Variants in AHNAK2 observed in about 807,000 individuals in gnomAD.
AHNAK2 encodes the protein AHNAK nucleoprotein 2.
In AHNAK2, 18 loss-of-function variants were observed where a neutral mutation model predicts 30.7. That is an observed-to-expected ratio of 0.59 (90% confidence interval 0.41 to 0.87). The LOEUF (loss-of-function observed/expected upper bound fraction) is 0.87. AHNAK2 is among the 40% of genes least tolerant of loss of function. AHNAK2 has a pLI of 0.00. For missense variants in AHNAK2, 8,604 were observed against 7,373.0 expected (o/e 1.17, Z -6.11); for synonymous variants, 3,590 against 3,073.8 (o/e 1.17, Z -5.56).
chr14:104,940,823 T>C lies in AHNAK2; in HGVS notation c.14628A>G (p.Gln4876=), dbSNP rs764878652. Residue 4876 remains glutamine, a synonymous_variant, in exon 7 of 7, where the codon CAA becomes CAG. Transcript: ENST00000333244. This position sits in a 1 kb window ranked among gnomAD's most constrained non-coding sequence, Gnocchi z 4.4. ...YKPKFVFSVP[Q]MAVPEGDLHA... is the part of the protein sequence containing the mutation. ...GTAGGTCTCCCTCAGGAACTGCCAT[T>C]TGGGGGACTGAAAACACAAACTTTG... 3 of 1,613,032 alleles carry C rather than the reference T, an allele frequency of 1.9e-6. No individual in the cohort carries two copies. The highest frequency in any genetic ancestry group is 3.3e-5 in the Admixed American group (2 of 60,020).
In AHNAK2 at chr14:104,948,672, C is replaced by A. The variant is rs774054550; in HGVS notation, c.6779G>T (p.Gly2260Val). The change falls in exon 7 of 7, where the codon GGC becomes GTC. Residue 2260 changes from glycine (G) to valine (V), a missense_variant. Physicochemically the swap from Gly to Val is moderately radical, Grantham distance 109. Transcript: ENST00000333244. The stretch of plus-strand genomic sequence containing the variant: ...GGGGTCTTTTAGGTCCAGCTTGGGG[C>A]CCTTGATGTCTATTTCGGGGCCCTT... Reference protein sequence around the residue: ...DLKGPEIDIKGPKLDLKDPKV... With the variant: ...DLKGPEIDIKVPKLDLKDPKV... The A allele has an allele frequency of 2.5e-6, 4 of 1,611,496 alleles. No individual in the cohort carries two copies. In the African/African-American group the frequency reaches 4.1e-5, roughly 16 times the overall value.
intron 1 of AHNAK2, among the ~76,000 whole-genome samples, chr14:104,973,229 C>CA (rs1899519339): frequency 6.6e-6 from 1 of 152,220 alleles, no homozygotes; most frequent in Non-Finnish European, 1.5e-5. Context: ...GCGCACTGAA[C>CA]AGCTAGTCCT....
Position 104,944,635 on chromosome 14 carries a change from C to T in AHNAK2, c.10816G>A (p.Val3606Met), listed in dbSNP as rs1275408485. Reference sequence around the variant, plus strand: ...TTGGCCTTCGGGGCCTGGACATCCACCTCCACGCTGGGCAGAGACACCTCG... The same window carrying T: ...TTGGCCTTCGGGGCCTGGACATCCATCTCCACGCTGGGCAGAGACACCTCG... ...DVEVSLPSVEVDVQAPKAKLD... is the reference protein window; with the variant it reads ...DVEVSLPSVEMDVQAPKAKLD... Residue 3606 changes from valine to methionine, a missense_variant, in exon 7 of 7, where the codon GTG becomes ATG. By Grantham distance (21) the Val-to-Met change is conservative. Coordinates refer to ENST00000333244, the MANE Select transcript of AHNAK2 (RefSeq NM_138420.4). 6.2e-7 allele frequency: 1 copy of T among 1,613,234 alleles called. No homozygotes were observed. Among genetic ancestry groups the T allele is most frequent in the Admixed American group, 1.7e-5 (1 of 59,962 alleles).
Position 104,945,140 on chromosome 14 carries a change from G to A in AHNAK2, c.10311C>T (p.Pro3437=), listed in dbSNP as rs1238805086. 5.0e-6 allele frequency: 8 copies of A among 1,613,184 alleles called. 1 individual carries two copies. The highest frequency in any genetic ancestry group is 1.7e-5 in the Admixed American group (1 of 59,962). Residue 3437 remains proline (P), a synonymous_variant, in exon 7 of 7, where the codon CCC becomes CCT. Transcript: ENST00000333244. The stretch of plus-strand genomic sequence containing the variant: ...GGGCCTGGACGTCCACCTCCACGCT[G>A]GGCAGAGACACCTCCACATCAGGGA... ...VTVPDVEVSL[P]SVEVDVQAPR...
chr14:104,975,227 A>G (rs1017590779), intron 1 of AHNAK2, among the ~76,000 whole-genome samples: 12 of 152,118 alleles, frequency 7.9e-5, no homozygotes, highest in African/African-American at 2.7e-4. Flanking sequence ...GGGGCATTGG[A>G]ACTGGAGGCT....
Position 104,947,207 on chromosome 14 carries a change from G to C in AHNAK2, c.8244C>G (p.Gly2748=), listed in dbSNP as rs371509150. ...SFKMPEVDLK[G]PQIDVKGPNV... ...TGGGGCCCTTAACATCTATCTGGGG[G>C]CCCTTGAGGTCCACTTCAGGCATCT... The change falls in exon 7 of 7, where the codon GGC becomes GGG. Residue 2748 remains glycine, a synonymous_variant. Transcript: ENST00000333244. 55 of 1,612,156 alleles carry C rather than the reference G, an allele frequency of 3.4e-5. No homozygotes were observed. In the Middle Eastern group the frequency reaches 5.0e-4, roughly 15 times the overall value.
At chr14:104,973,580 C>T (rs1227772580) in intron 1 of AHNAK2, among the ~76,000 whole-genome samples, 2 of 152,196 alleles carry the variant, frequency 1.3e-5, no homozygotes, top group Admixed American at 6.5e-5. Context: ...CTCACACGGA[C>T]ATAGCCCAGT....
chr14:104,978,009 A>G (rs1899639192), intron 1 of AHNAK2, among the ~76,000 whole-genome samples, 174 bp downstream of exon 1: 1 of 152,098 alleles, frequency 6.6e-6, no homozygotes, highest in Non-Finnish European at 1.5e-5. Flanking sequence ...GAGGCATGGG[A>G]GAAGAGACTC....
In AHNAK2 at chr14:104,947,238, CTG is replaced by C. The variant is rs1169828562; in HGVS notation, c.8211_8212del (p.Ser2738PhefsTer5). The C allele has an allele frequency of 6.2e-7, 1 of 1,611,872 alleles. No homozygotes were observed. The highest frequency in any genetic ancestry group is 8.5e-7 in the Non-Finnish European group (1 of 1,179,472). ...GAGGTCCACTTCAGGCATCTTGAAA[CTG>C]GGCATCTGCAGCTTGGGCAGGTGCC... On this transcript the variant is annotated frameshift_variant, in exon 7 of 7. Transcript: ENST00000333244. LOFTEE classifies it low-confidence loss of function (END_TRUNC).
chr14:104,945,247 G>T lies in AHNAK2; in HGVS notation c.10204C>A (p.Pro3402Thr), dbSNP rs1433431301. The T allele has an allele frequency of 1.9e-6, 3 of 1,612,824 alleles. No homozygotes were observed. Among genetic ancestry groups the T allele is most frequent in the African/African-American group, 2.7e-5 (2 of 74,532 alleles). ...PKVEMPSFKM[P>T]KVDLKSPQVD... is the part of the protein sequence containing the mutation. ...TGGGGGCTCTTGAGGTCCACTTTGG[G>T]CATCTTGAAACTGGGCATCTCCACC... The change falls in exon 7 of 7, where the codon CCC becomes ACC. Residue 3402 changes from proline (P) to threonine (T), a missense_variant. Physicochemically the swap from Pro to Thr is conservative, Grantham distance 38. Coordinates refer to ENST00000333244, the MANE Select transcript of AHNAK2 (RefSeq NM_138420.4).
Position 104,943,578 on chromosome 14 carries a change from T to C in AHNAK2, c.11873A>G (p.Asp3958Gly). The C allele has an allele frequency of 6.2e-7, 1 of 1,612,944 alleles. No homozygotes were observed. Among genetic ancestry groups the C allele is most frequent in the Non-Finnish European group, 8.5e-7 (1 of 1,179,532 alleles). ...GCTGTCTTTGGCCGTCATGTCCTTG[T>C]CGGCCAGGGACAGGTCCCCCTCCAG... ...ARLEGDLSLA[D>G]KDMTAKDSKF... is the part of the protein sequence containing the mutation. Residue 3958 changes from aspartate to glycine, a missense_variant, in exon 7 of 7, where the codon GAC becomes GGC. Physicochemically the swap from Asp to Gly is moderately conservative, Grantham distance 94. Transcript: ENST00000333244.
rs776433329 is a variant in AHNAK2, at chr14:104,947,498, G to A, written c.7953C>T (p.Pro2651=). ...CCCTGAATGATGGCATCTTGAACTTGGGCATTTTGAACTTGCTATCTTTGG... is the reference window on the plus strand; with the variant it reads ...CCCTGAATGATGGCATCTTGAACTTAGGCATTTTGAACTTGCTATCTTTGG... The part of the protein sequence containing the change: ...VTAKDSKFKM[P]KFKMPSFRVS... The change falls in exon 7 of 7, where the codon CCC becomes CCT. Residue 2651 remains proline (P), a synonymous_variant. Coordinates refer to ENST00000333244, the MANE Select transcript of AHNAK2 (RefSeq NM_138420.4). 1 of 1,612,744 alleles carries A rather than the reference G, an allele frequency of 6.2e-7. No homozygotes were observed. The highest frequency in any genetic ancestry group is 1.7e-5 in the Admixed American group (1 of 59,876).
rs1366264586 is a variant in AHNAK2, at chr14:104,944,511, G to A, written c.10940C>T (p.Ser3647Leu). ...CTTCCCTGGGGCCGATACCCTGAAT[G>A]ACGGCATCTTGAATTTGGGCATTTT... ...KFKMPKFKMP[S>L]FRVSAPGKSM... The change falls in exon 7 of 7, where the codon TCA becomes TTA. Residue 3647 changes from serine to leucine, a missense_variant. Ser to Leu is a moderately radical substitution (Grantham distance 145). Coordinates refer to ENST00000333244, the MANE Select transcript of AHNAK2 (RefSeq NM_138420.4). 3.7e-6 allele frequency: 6 copies of A among 1,612,878 alleles called. No individual in the cohort carries two copies. In the Admixed American group the frequency reaches 5.0e-5, roughly 13 times the overall value.
Position 104,945,907 on chromosome 14 carries a change from T to C in AHNAK2, c.9544A>G (p.Met3182Val), listed in dbSNP as rs771872093. The change falls in exon 7 of 7, where the codon ATG becomes GTG. Residue 3182 changes from methionine to valine, a missense_variant. Met to Val is a conservative substitution (Grantham distance 21, BLOSUM62 1). Coordinates refer to ENST00000333244, the MANE Select transcript of AHNAK2 (RefSeq NM_138420.4). ...TCAGTGTTCTTCAGGTCCCCCTGCA[T>C]GGAGGGGAGGCTCAGGTCGGCCTCC... ...KVEADLSLPS[M>V]QGDLKNTDIS... 1 of 1,248,954 alleles carries C rather than the reference T, an allele frequency of 8.0e-7. No individual in the cohort carries two copies. Among genetic ancestry groups the C allele is most frequent in the East Asian group, 2.3e-5 (1 of 44,272 alleles). 77.4% of individuals were successfully genotyped at this position (1,248,954 alleles called of 1,614,324 possible).
In AHNAK2 at chr14:104,945,031, T is replaced by C. The variant is rs1000658488; in HGVS notation, c.10420A>G (p.Lys3474Glu). ...KDVTAKDSKFKMPKFKMPSFG... is the reference protein window; with the variant it reads ...KDVTAKDSKFEMPKFKMPSFG... ...GAGGGCATCTTGAACTTGGGCATTTTGAACTTGCTGTCTTTGGCAGTCACA... is the reference window on the plus strand; with the variant it reads ...GAGGGCATCTTGAACTTGGGCATTTCGAACTTGCTGTCTTTGGCAGTCACA... The change falls in exon 7 of 7, where the codon AAA becomes GAA. Residue 3474 changes from lysine (K) to glutamate (E), a missense_variant. Physicochemically the swap from Lys to Glu is moderately conservative, Grantham distance 56. Transcript: ENST00000333244. 6 of 1,612,822 alleles carry C rather than the reference T, an allele frequency of 3.7e-6. No individual in the cohort carries two copies. In the African/African-American group the frequency reaches 6.7e-5, roughly 18 times the overall value.
rs754080539 is a variant in AHNAK2, at chr14:104,956,684, G to A, written c.219C>T (p.Asp73=). The A allele has an allele frequency of 1.6e-5, 26 of 1,613,550 alleles. No individual in the cohort carries two copies. Among genetic ancestry groups the A allele is most frequent in the South Asian group, 3.3e-5 (3 of 91,072 alleles). The change falls in exon 4 of 7, where the codon GAC becomes GAT. Residue 73 remains aspartate (D), a synonymous_variant. Coordinates refer to ENST00000333244, the MANE Select transcript of AHNAK2 (RefSeq NM_138420.4). The part of the protein sequence containing the change: ...TEAADFGLQE[D]APGRQGSAGR... The stretch of plus-strand genomic sequence containing the variant: ...CAGCAGAACCTTGCCTGCCGGGGGC[G>A]TCTTCCTGCAGCCACAAGTGTTGGG...
rs1300892851 is a variant in AHNAK2, at chr14:104,950,342, G to A, written c.5109C>T (p.Thr1703=). 1 of 1,585,300 alleles carries A rather than the reference G, an allele frequency of 6.3e-7. No homozygotes were observed. The highest frequency in any genetic ancestry group is 8.6e-7 in the Non-Finnish European group (1 of 1,162,392). Residue 1703 remains threonine (T), a synonymous_variant, in exon 7 of 7, where the codon ACC becomes ACT. Transcript: ENST00000333244. ...AAGGGGACTGAATGCTGAGGTCAGTGGTCTTCAGGTCCCCCTGCATGGAGG... is the reference window on the plus strand; with the variant it reads ...AAGGGGACTGAATGCTGAGGTCAGTAGTCTTCAGGTCCCCCTGCATGGAGG... ...SLPSMQGDLK[T]TDLSIQSPSA...
intron 1 of AHNAK2, among the ~76,000 whole-genome samples, chr14:104,965,619 C>T (rs925271215): frequency 1.3e-5 from 2 of 152,164 alleles, no homozygotes; most frequent in African/African-American, 4.8e-5. Context: ...AGAACTAAGG[C>T]CCCCATCCCT....
chr14:104,950,023 A>G lies in AHNAK2; in HGVS notation c.5428T>C (p.Ser1810Pro). The change falls in exon 7 of 7, where the codon TCC becomes CCC. Residue 1810 changes from serine to proline, a missense_variant. Transcript: ENST00000333244. ...LDSVRLEGDL[S>P]LADKDVTAKD... Reference sequence around the variant, plus strand: ...GCAGTCACATCCTTGTCGGCCAGGGACAGGTCACCCTCCAGCCGCACACTG... The same window carrying G: ...GCAGTCACATCCTTGTCGGCCAGGGGCAGGTCACCCTCCAGCCGCACACTG... 6.3e-7 allele frequency: 1 copy of G among 1,586,308 alleles called. No individual in the cohort carries two copies. Among genetic ancestry groups the G allele is most frequent in the South Asian group, 1.1e-5 (1 of 90,066 alleles).
Sources: gnomAD v4.1 joint callset for allele counts (sites outside exome capture counted in the v4.1 genomes callset) on GRCh38, gnomAD v4.1.1 for gene constraint, Gnocchi (gnomAD v3.1) non-coding constraint, MANE v1.5 for transcripts, NCBI Gene and HGNC (gene_info 2026-07-23, HGNC 2026-07-21) for gene names.